SEPSECS: variants seen among roughly 807,000 people sequenced by gnomAD.
SEPSECS encodes O-phosphoseryl-tRNA(Sec) selenium transferase.
Under a neutral mutation model 52.1 loss-of-function variants are expected in SEPSECS, and 42 were observed. That is an observed-to-expected ratio of 0.81 (90% CI 0.63 to 1.04). The LOEUF (loss-of-function observed/expected upper bound fraction) is 1.04. SEPSECS is among the 50% of genes least tolerant of loss of function. The probability of loss-of-function intolerance (pLI) is 0.00; values close to 1 mark genes in which losing one functional copy is unlikely to be tolerated. For synonymous variants in SEPSECS, 216 were observed against 211.4 expected (o/e 1.02, Z -0.19); for missense variants, 590 against 610.6 (o/e 0.97, Z 0.36).
chr4:25,144,898 G>A lies in SEPSECS; in HGVS notation c.935-33C>T, dbSNP rs187357699. 362 of 1,590,450 alleles carry A rather than the reference G, an allele frequency of 2.3e-4. 1 individual carries two copies. The African/African-American group carries it at 4.3e-3, about 19-fold the overall frequency. On this transcript the variant is annotated intron_variant, in intron 7 of 10. Coordinates refer to ENST00000382103, the MANE Select transcript of SEPSECS (RefSeq NM_016955.4). Reference sequence around the variant, plus strand: ...AAGAAGGATAAGTTACATTAAGACTGTGGTGGGGGGGTAGCTTTGGAAATT... The same window carrying A: ...AAGAAGGATAAGTTACATTAAGACTATGGTGGGGGGGTAGCTTTGGAAATT...
At chr4:25,126,720 T>C (rs867135696) in intron 9 of SEPSECS, among the ~76,000 whole-genome samples, 1 of 152,158 alleles carries the variant, frequency 6.6e-6, no homozygotes, top group African/African-American at 2.4e-5. Flanking sequence ...CTAACATCCG[T>C]AGGCTAAAGA....
intron 2 of SEPSECS, among the ~76,000 whole-genome samples, chr4:25,158,116 C>T (rs748918969): frequency 6.6e-6 from 1 of 152,196 alleles, no homozygotes. Context: ...AATACTAGTG[C>T]TGTACTTCCT....
chr4:25,158,886 T>C, intron 2 of SEPSECS, 67 bp downstream of exon 2: 1 of 1,426,806 alleles, frequency 7.0e-7, no homozygotes, highest in South Asian at 1.1e-5. Flanking sequence ...AGATAAATAC[T>C]GCTGCCATTA....
chr4:25,127,260 T>C lies in SEPSECS; in HGVS notation c.1120+4A>G. ...TTGTTTTTCTTTAGGAAAAAAGAAA[T>C]TACCTAAAGATATGGGATTGTGAGG... On this transcript the variant is annotated splice_donor_region_variant and intron_variant, in intron 9 of 10. Transcript: ENST00000382103. 6.3e-7 allele frequency: 1 copy of C among 1,596,358 alleles called. No homozygotes were observed. The highest frequency in any genetic ancestry group is 8.6e-7 in the Non-Finnish European group (1 of 1,164,532).
chr4:25,135,926 C>T (rs1728823491), intron 8 of SEPSECS, among the ~76,000 whole-genome samples: 6 of 152,138 alleles, frequency 3.9e-5, no homozygotes, highest in Admixed American at 3.9e-4. Context: ...TGTAATTCAT[C>T]AGATAAAGAG....
intron 8 of SEPSECS, among the ~76,000 whole-genome samples, chr4:25,138,910 A>G (rs778506673): frequency 2.0e-5 from 3 of 152,226 alleles, no homozygotes; most frequent in Non-Finnish European, 2.9e-5. Flanking sequence ...GACTCAAAAC[A>G]TAAACTCTCA....
At chr4:25,132,244 T>C (rs1411741089) in intron 8 of SEPSECS, among the ~76,000 whole-genome samples, 2 of 152,242 alleles carry the variant, frequency 1.3e-5, no homozygotes, top group South Asian at 2.1e-4. Context: ...AATATCATTG[T>C]GGTGAATAAG....
chr4:25,149,036 G>A (rs971862362), intron 6 of SEPSECS, among the ~76,000 whole-genome samples: 9 of 152,052 alleles, frequency 5.9e-5, no homozygotes, highest in African/African-American at 1.9e-4. Context: ...GCAACTCCAA[G>A]AGCACCTTTC....
In SEPSECS at chr4:25,123,428, T is replaced by C. The variant is rs1728213765; in HGVS notation, c.*503A>G. On this transcript the variant is annotated 3_prime_UTR_variant, in exon 11 of 11. Transcript: ENST00000382103. ...CGAATCATCCCCAGTTGAGACCCACTGCTTTTGAGTCAAAACGAAAGTTTA... is the reference window on the plus strand; with the variant it reads ...CGAATCATCCCCAGTTGAGACCCACCGCTTTTGAGTCAAAACGAAAGTTTA... The C allele has an allele frequency of 5.8e-6, 1 of 171,898 alleles. No homozygotes were observed. Among genetic ancestry groups the C allele is most frequent in the South Asian group, 1.4e-4 (1 of 7,156 alleles). The allele number at this position is 171,898 out of a possible 1,614,324, so 10.6% of individuals were successfully genotyped here.
In SEPSECS at chr4:25,120,794, GT is replaced by G. The variant is rs1448288005; in HGVS notation, c.*3136del. Reference sequence around the variant, plus strand: ...AGCTTTATTATTGTTGTTTTCAGCTGTTGGTTATTTTCCTCTGTGAAATATA... The same window carrying G: ...AGCTTTATTATTGTTGTTTTCAGCTGTGGTTATTTTCCTCTGTGAAATATA... On this transcript the variant is annotated 3_prime_UTR_variant, in exon 11 of 11. Coordinates refer to ENST00000382103, the MANE Select transcript of SEPSECS (RefSeq NM_016955.4). The G allele has an allele frequency of 1.3e-5, 2 of 152,098 alleles. No homozygotes were observed. Among genetic ancestry groups the G allele is most frequent in the African/African-American group, 4.8e-5 (2 of 41,436 alleles). The allele number at this position is 152,098 out of a possible 1,614,324, so 9.4% of individuals were successfully genotyped here.
In SEPSECS at chr4:25,125,745, G is replaced by C. The variant is rs1485867676; in HGVS notation, c.1160C>G (p.Ala387Gly). 1.9e-6 allele frequency: 3 copies of C among 1,612,950 alleles called. No individual in the cohort carries two copies. The African/African-American group carries it at 4.0e-5, about 22-fold the overall frequency. Residue 387 changes from alanine to glycine, a missense_variant, in exon 10 of 11, where the codon GCT (alanine) becomes GGT (glycine). Coordinates refer to ENST00000382103, the MANE Select transcript of SEPSECS (RefSeq NM_016955.4). ...LKTLDEHRDK[A>G]VTQLGSMLFT... ...AAGCATCGAGCCAAGCTGAGTGACAGCTTTGTCACGGTGTTCATCTAGTGT... is the reference window on the plus strand; with the variant it reads ...AAGCATCGAGCCAAGCTGAGTGACACCTTTGTCACGGTGTTCATCTAGTGT...
intron 10 of SEPSECS, among the ~76,000 whole-genome samples, chr4:25,124,612 A>G (rs1250995302): frequency 2.0e-5 from 3 of 152,160 alleles, no homozygotes; most frequent in Non-Finnish European, 1.5e-5. Context: ...AATCTGGAAT[A>G]TGACTTCATA....
intron 2 of SEPSECS, among the ~76,000 whole-genome samples, chr4:25,157,539 CT>C (rs143797424): frequency 0.096 from 13,126 of 137,062 alleles, 616 homozygotes; most frequent in African/African-American, 0.19. Flanking sequence ...ATTAAATTAT[CT>C]TTTTTTTTTT....
chr4:25,142,289 T>A (rs1166484200), intron 8 of SEPSECS, among the ~76,000 whole-genome samples: 1 of 151,244 alleles, frequency 6.6e-6, no homozygotes, highest in African/African-American at 2.4e-5. Context: ...AAAAAAAAAG[T>A]CACCATCTCA....
At chr4:25,133,843 A>G (rs1476939828) in intron 8 of SEPSECS, among the ~76,000 whole-genome samples, 1 of 152,042 alleles carries the variant, frequency 6.6e-6, no homozygotes, top group Non-Finnish European at 1.5e-5. Context: ...GGCTTGGTGC[A>G]GTAGCTTATG....
chr4:25,127,806 CTA>C (rs768079694), intron 8 of SEPSECS, among the ~76,000 whole-genome samples: 3 of 152,168 alleles, frequency 2.0e-5, no homozygotes, highest in Non-Finnish European at 4.4e-5. Context: ...CCTCCAGTAA[CTA>C]TTAGAAAACC....
chr4:25,139,021 G>T (rs887184615), intron 8 of SEPSECS, among the ~76,000 whole-genome samples: 4 of 152,150 alleles, frequency 2.6e-5, no homozygotes, highest in Non-Finnish European at 4.4e-5. Flanking sequence ...ACCACACCAC[G>T]AATGTCAATG....
At position 25,123,433 on chromosome 4, in the gene SEPSECS, T is replaced by C. The variant is rs186113758; in HGVS notation, c.*498A>G. On this transcript the variant is annotated 3_prime_UTR_variant, in exon 11 of 11. Coordinates refer to ENST00000382103, the MANE Select transcript of SEPSECS (RefSeq NM_016955.4). ...CATCCCCAGTTGAGACCCACTGCTTTTGAGTCAAAACGAAAGTTTATACCT... is the reference window on the plus strand; with the variant it reads ...CATCCCCAGTTGAGACCCACTGCTTCTGAGTCAAAACGAAAGTTTATACCT... The C allele has an allele frequency of 5.8e-6, 1 of 172,844 alleles. No homozygotes were observed. Among genetic ancestry groups the C allele is most frequent in the African/African-American group, 2.4e-5 (1 of 41,780 alleles). 10.7% of individuals were successfully genotyped at this position (172,844 alleles called of 1,614,324 possible). A position where few individuals can be genotyped will look rare whatever the true frequency, so the allele number is the denominator to read the frequency against.
chr4:25,160,348 C>G lies in SEPSECS; in HGVS notation c.22G>C (p.Ala8Pro). The change falls in exon 1 of 11, where the codon GCG becomes CCG. Residue 8 changes from alanine (A) to proline (P), a missense_variant. Physicochemically the swap from Ala to Pro is conservative, Grantham distance 27. Transcript: ENST00000382103. MNRESFAAGERLVSPAYV... is the reference protein window; with the variant it reads MNRESFAPGERLVSPAYV... ...GCCGGCGACACCAGCCGCTCTCCCGCCGCGAAGCTCTCGCGGTTCATGACA... is the reference window on the plus strand; with the variant it reads ...GCCGGCGACACCAGCCGCTCTCCCGGCGCGAAGCTCTCGCGGTTCATGACA... 1 of 1,548,856 alleles carries G rather than the reference C, an allele frequency of 6.5e-7. No individual in the cohort carries two copies. The highest frequency in any genetic ancestry group is 8.7e-7 in the Non-Finnish European group (1 of 1,145,548).
Sources: allele counts gnomAD v4.1 joint callset (sites outside exome capture counted in the v4.1 genomes callset), GRCh38; gene constraint gnomAD v4.1.1; transcripts MANE v1.5; gene names NCBI Gene and HGNC (gene_info 2026-07-23, HGNC 2026-07-21).